The following CCDC171 variants were observed in gnomAD, a reference collection of about 807,000 sequenced individuals.
The protein encoded by CCDC171 is coiled-coil domain containing 171.
A neutral mutation model predicts 168.2 loss-of-function variants in CCDC171; 177 were observed. The ratio of observed to expected loss-of-function variants is 1.05; its 90% CI spans 0.93 to 1.19. The LOEUF (loss-of-function observed/expected upper bound fraction) is 1.19. Among genes scored for constraint, CCDC171 ranks in the 50% most tolerant of loss-of-function variants. The pLI is 0.00. For synonymous variants in CCDC171, 687 were observed against 540.8 expected, an observed-to-expected ratio of 1.27 and a Z score of -3.75; for missense variants, 1,991 against 1,539.0, an observed-to-expected ratio of 1.29 and a Z score of -4.91.
intron 12 of CCDC171, among the ~76,000 whole-genome samples, chr9:15,722,647 C>T (rs574454694): frequency 1.8e-4 from 27 of 152,228 alleles, no homozygotes; most frequent in African/African-American, 4.8e-4. Context: ...GGAGTTTATC[C>T]TTGTGTGTAT....
At chr9:15,696,114 A>G (rs972073011) in intron 11 of CCDC171, among the ~76,000 whole-genome samples, 1 of 152,174 alleles carries the variant, frequency 6.6e-6, no homozygotes, top group African/African-American at 2.4e-5. Context: ...CTATTCTTCA[A>G]AAGGCACATA....
intron 18 of CCDC171, among the ~76,000 whole-genome samples, chr9:15,775,396 G>A (rs1030113143): frequency 1.3e-5 from 2 of 152,062 alleles, no homozygotes; most frequent in African/African-American, 4.8e-5. Flanking sequence ...ACAGAGTCTC[G>A]CTCTGTTGCC....
intron 18 of CCDC171, among the ~76,000 whole-genome samples, chr9:15,766,864 G>C (rs1162409790): frequency 6.6e-6 from 1 of 152,054 alleles, no homozygotes; most frequent in Non-Finnish European, 1.5e-5. Flanking sequence ...GTCTTACTAT[G>C]TTGTCCAGAC....
the CCDC171 span, among the ~76,000 whole-genome samples, chr9:16,092,387 G>A: frequency 6.6e-6 from 1 of 152,172 alleles, no homozygotes; most frequent in Non-Finnish European, 1.5e-5. Flanking sequence ...CCTTTAGTGT[G>A]TTTCCAGGTG....
intron 24 of CCDC171, among the ~76,000 whole-genome samples, chr9:15,906,997 A>C (rs1202554802): frequency 1.3e-5 from 2 of 152,156 alleles, no homozygotes; most frequent in African/African-American, 4.8e-5. Flanking sequence ...CTGCTCAATG[A>C]AATAAAAGAG....
chr9:16,040,589 T>G (rs1331809958), upstream of CCDC171, among the ~76,000 whole-genome samples: 1 of 152,170 alleles, frequency 6.6e-6, no homozygotes, highest in Non-Finnish European at 1.5e-5. Context: ...AGGAATTTGA[T>G]TGTTTGCAGT....
At chr9:16,063,312 C>T (rs1279716206), downstream of CCDC171, among the ~76,000 whole-genome samples, 1 of 152,050 alleles carries the variant, frequency 6.6e-6, no homozygotes, top group African/African-American at 2.4e-5. Context: ...ACCTGGCGGG[C>T]AGGTGGGGAC....
At position 15,724,921 on chromosome 9, in the gene CCDC171, C is replaced by G; in HGVS notation, c.1637C>G (p.Ala546Gly). The G allele has an allele frequency of 6.2e-7, 1 of 1,613,904 alleles. No homozygotes were observed. Among genetic ancestry groups the G allele is most frequent in the Non-Finnish European group, 8.5e-7 (1 of 1,179,868 alleles). ...HCWEKEKAQA[A>G]QSESELQKLS... ...TGGGAGAAAGAAAAGGCTCAGGCAGCCCAGTCTGAAAGTGAACTGCAGAAG... is the reference window on the plus strand; with the variant it reads ...TGGGAGAAAGAAAAGGCTCAGGCAGGCCAGTCTGAAAGTGAACTGCAGAAG... The change falls in exon 14 of 26, where the codon GCC becomes GGC. Residue 546 changes from alanine (A) to glycine (G), a missense_variant. Coordinates refer to ENST00000380701, the MANE Select transcript of CCDC171 (RefSeq NM_173550.4).
chr9:15,586,477 G>A (rs1349475761), intron 4 of CCDC171, among the ~76,000 whole-genome samples: 4 of 152,180 alleles, frequency 2.6e-5, no homozygotes, highest in Non-Finnish European at 4.4e-5. Flanking sequence ...AAAATCCTAA[G>A]TCAGGAGTGG....
At chr9:15,954,195 CT>C (rs1045944381) in intron 25 of CCDC171, among the ~76,000 whole-genome samples, 2 of 140,966 alleles carry the variant, frequency 1.4e-5, no homozygotes, top group African/African-American at 5.2e-5. Flanking sequence ...CTTCTCTAAT[CT>C]TTTTTCCCCC....
At chr9:15,682,426 A>G (rs2050102498) in intron 10 of CCDC171, among the ~76,000 whole-genome samples, 1 of 152,000 alleles carries the variant, frequency 6.6e-6, no homozygotes, top group Admixed American at 6.6e-5. Flanking sequence ...GGTATTTAAT[A>G]AATATAAACC....
intron 4 of CCDC171, among the ~76,000 whole-genome samples, chr9:15,580,774 G>A (rs1245913145): frequency 2.0e-5 from 3 of 152,114 alleles, no homozygotes; most frequent in Non-Finnish European, 4.4e-5. Context: ...CTTTTACACT[G>A]CTGGTGGGAA....
Position 15,874,610 on chromosome 9 carries a change from G to A in CCDC171, c.3547G>A (p.Glu1183Lys). 1.2e-6 allele frequency: 2 copies of A among 1,606,744 alleles called. No homozygotes were observed. The highest frequency in any genetic ancestry group is 1.7e-6 in the Non-Finnish European group (2 of 1,176,666). ...CCTACAGCTACCCAAACTGCACCTG[G>A]AGACCTTTGCAATGGAGGGGCTCAA... is the stretch of plus-strand genomic sequence containing the variant. Reference protein sequence around the residue: ...FTLQLPKLHLETFAMEGLKGG... With the variant: ...FTLQLPKLHLKTFAMEGLKGG... Residue 1183 changes from glutamate to lysine, a missense_variant, in exon 24 of 26, where the codon GAG (glutamate) becomes AAG (lysine). Coordinates refer to ENST00000380701, the MANE Select transcript of CCDC171 (RefSeq NM_173550.4).
chr9:15,923,975 T>G (rs1201189848), intron 25 of CCDC171, among the ~76,000 whole-genome samples: 1 of 151,374 alleles, frequency 6.6e-6, no homozygotes. Context: ...ATATATAATG[T>G]GTTACTCAGT....
chr9:15,634,040 G>A (rs969388449), intron 7 of CCDC171, among the ~76,000 whole-genome samples: 1 of 152,066 alleles, frequency 6.6e-6, no homozygotes, highest in African/African-American at 2.4e-5. Context: ...TGGGGAGAGG[G>A]GGGCGGGATA....
At chr9:15,785,375 T>C (rs1048726044) in intron 21 of CCDC171, among the ~76,000 whole-genome samples, 2 of 152,130 alleles carry the variant, frequency 1.3e-5, no homozygotes, top group African/African-American at 4.8e-5. Flanking sequence ...AGCCACTATA[T>C]AGGATATCAT....
chr9:15,975,898 A>T (rs911179972), downstream of CCDC171, among the ~76,000 whole-genome samples: 1 of 152,170 alleles, frequency 6.6e-6, no homozygotes, highest in Non-Finnish European at 1.5e-5. Context: ...TCAGGAGATT[A>T]TCCTGGATTA....
At chr9:15,778,165 C>T (rs1042761968) in intron 19 of CCDC171, among the ~76,000 whole-genome samples, 5 of 150,964 alleles carry the variant, frequency 3.3e-5, no homozygotes, top group African/African-American at 4.9e-5. Flanking sequence ...GGCGCGGTGG[C>T]GGGCGCCTGT....
intron 11 of CCDC171, among the ~76,000 whole-genome samples, chr9:15,705,710 C>T (rs543649770): frequency 2.0e-4 from 31 of 152,256 alleles, no homozygotes; most frequent in African/African-American, 7.2e-4. Flanking sequence ...TGCAGTCAAA[C>T]ATTTCTATCA....
Sources: gnomAD v4.1 joint callset for allele counts (sites outside exome capture counted in the v4.1 genomes callset) on GRCh38, gnomAD v4.1.1 for gene constraint, MANE v1.5 for transcripts, NCBI Gene and HGNC (gene_info 2026-07-23, HGNC 2026-07-21) for gene names.